Variants in CLCN4 observed in about 807,000 individuals in gnomAD.
CLCN4 encodes Cl-/H+ antiporter 4.
In CLCN4, 1 loss-of-function variant was observed where a neutral mutation model predicts 41.7. The ratio of observed to expected loss-of-function variants is 0.02; its 90% CI spans 0.01 to 0.11. The LOEUF (loss-of-function observed/expected upper bound fraction) is 0.11, where lower values mean the gene tolerates loss of function less well. Among genes scored for constraint, CLCN4 ranks in the 10% least tolerant of loss-of-function variants. The pLI is 1.00. For synonymous variants in CLCN4, 277 were observed against 285.8 expected (o/e 0.97, Z 0.31); for missense variants, 287 against 661.0 (o/e 0.43, Z 6.20).
At chrX:10,187,705 C>A in intron 4 of CLCN4, 91 bp downstream of exon 4, 1 of 705,479 alleles carries the variant, frequency 1.4e-6, no homozygotes, top group Non-Finnish European at 2.2e-6. Context: ...GAATATAGCG[C>A]GTGTCGCTTG....
chrX:10,212,622 G>A lies in CLCN4; in HGVS notation c.1545G>A (p.Leu515=). 2 of 1,210,366 alleles carry A rather than the reference G, an allele frequency of 1.7e-6. No homozygotes were observed. Among genetic ancestry groups the A allele is most frequent in the Non-Finnish European group, 2.2e-6 (2 of 894,683 alleles). The part of the protein sequence containing the change: ...RPGADCVTPG[L]YAMVGAAACL... ...GTGCAGACTGTGTCACGCCAGGGCT[G>A]TACGCAATGGTGGGAGCTGCGGCCT... Residue 515 remains leucine (L), a synonymous_variant, in exon 10 of 13, where the codon CTG becomes CTA. Coordinates refer to ENST00000380833, the MANE Select transcript of CLCN4 (RefSeq NM_001830.4).
chrX:10,213,295 C>A (rs1000670), intron 10 of CLCN4, among the ~76,000 whole-genome samples: 10,400 of 111,739 alleles, frequency 0.093, 469 homozygotes, highest in South Asian at 0.34. Context: ...GTGGGTCTGT[C>A]CCCTGTCTAT....
rs1924728402 is a variant in CLCN4, at chrX:10,216,897, G to GTATATATGTATATATATATATA, written c.1975+2825_1975+2826insGTATATATATATATATATATAT. On this transcript the variant is annotated intron_variant, in intron 11 of 12. Coordinates refer to ENST00000380833, the MANE Select transcript of CLCN4 (RefSeq NM_001830.4). ...GTTGGGGATGTGTGTGTGTGTGTGT[G>GTATATATGTATATATATATATA]TATATATATATATATATATATACAC... is the stretch of plus-strand genomic sequence containing the variant. Among the ~76,000 whole-genome samples, 2 of 20,826 alleles carry GTATATATGTATATATATATATA rather than the reference G, an allele frequency of 9.6e-5. 1 individual carries two copies. The highest frequency in any genetic ancestry group is 1.8e-4 in the Non-Finnish European group (2 of 10,925). 18.1% of individuals were successfully genotyped at this position (20,826 alleles called of 115,157 possible).
At chrX:10,181,875 T>C (rs986874136) in intron 2 of CLCN4, among the ~76,000 whole-genome samples, 2 of 111,996 alleles carry the variant, frequency 1.8e-5, no homozygotes, top group Non-Finnish European at 3.8e-5. Flanking sequence ...TACATGCTTG[T>C]CTTCGTTGGG....
In CLCN4 at chrX:10,185,050, G is replaced by A. The variant is rs760994158; in HGVS notation, c.18G>A (p.Ala6=). The part of the protein sequence containing the change: MVNAG[A]MSGSGNLMDF... ...TAATTAGCATGGTCAATGCGGGAGC[G>A]ATGAGTGGCTCTGGAAACCTGATGG... The change falls in exon 3 of 13, where the codon GCG becomes GCA. Residue 6 remains alanine, a synonymous_variant. Transcript: ENST00000380833. 2.1e-5 allele frequency: 25 copies of A among 1,206,585 alleles called. No homozygotes were observed. The highest frequency in any genetic ancestry group is 3.5e-5 in the South Asian group (2 of 56,381).
intron 1 of CLCN4, among the ~76,000 whole-genome samples, chrX:10,157,491 T>C (rs1922982409): frequency 8.8e-6 from 1 of 113,021 alleles, no homozygotes; most frequent in Non-Finnish European, 1.9e-5. Context: ...ATAAAAGCAG[T>C]CTTTGCTTTT....
intron 11 of CLCN4, among the ~76,000 whole-genome samples, chrX:10,217,178 G>C (rs1924746729): frequency 3.7e-5 from 4 of 108,116 alleles, no homozygotes; most frequent in South Asian, 4.1e-4. Context: ...ATAGCTCACT[G>C]CAGCCTCTAC....
intron 9 of CLCN4, among the ~76,000 whole-genome samples, chrX:10,211,153 C>G (rs1184277551): frequency 9.7e-6 from 1 of 102,573 alleles, no homozygotes; most frequent in Non-Finnish European, 2.0e-5. Flanking sequence ...GTGGTCCCAG[C>G]TACTCGGGAG....
At chrX:10,197,716 C>G (rs1924133111) in intron 5 of CLCN4, among the ~76,000 whole-genome samples, 2 of 111,690 alleles carry the variant, frequency 1.8e-5, no homozygotes, top group Non-Finnish European at 3.8e-5. Flanking sequence ...CGCGTGTAAA[C>G]AGCTCCCAGA....
chrX:10,157,116 C>T lies in CLCN4; in HGVS notation c.-275+16C>T. On this transcript the variant is annotated intron_variant, in intron 1 of 12. Transcript: ENST00000380833. ...AAAGCGGAAGGTAAGCTGCTTATCACTCAGAAAAACAAATTTGAGAGGAGT... is the reference window on the plus strand; with the variant it reads ...AAAGCGGAAGGTAAGCTGCTTATCATTCAGAAAAACAAATTTGAGAGGAGT... 3.4e-6 allele frequency: 1 copy of T among 297,332 alleles called. No homozygotes were observed. The highest frequency in any genetic ancestry group is 5.9e-6 in the Non-Finnish European group (1 of 169,959). 24.5% of individuals were successfully genotyped at this position (297,332 alleles called of 1,213,427 possible).
chrX:10,205,428 G>T (rs12390733), intron 6 of CLCN4, among the ~76,000 whole-genome samples: 5,984 of 93,843 alleles, frequency 0.064, 487 homozygotes, highest in African/African-American at 0.22. Context: ...AGCCGAGACC[G>T]CACCACTGCA....
rs1036774235 is a variant in CLCN4 at position 10,236,186 on chromosome X, T to C, written c.*2602T>C. 1.8e-4 allele frequency: 20 copies of C among 111,889 alleles called. No homozygotes were observed. Among genetic ancestry groups the C allele is most frequent in the African/African-American group, 5.8e-4 (18 of 30,823 alleles). The allele number at this position is 111,889 out of a possible 1,213,427, so 9.2% of individuals were successfully genotyped here. A position where few individuals can be genotyped will look rare whatever the true frequency, so the allele number is the denominator to read the frequency against. On this transcript the variant is annotated 3_prime_UTR_variant, in exon 13 of 13. Coordinates refer to ENST00000380833, the MANE Select transcript of CLCN4 (RefSeq NM_001830.4). ...AAGGTCAGTGAAACCACAGCATTTC[T>C]TTCTAATCTGGCTGAGGCCATGGGG...
chrX:10,212,774 T>C, intron 10 of CLCN4, 121 bp downstream of exon 10: 1 of 641,226 alleles, frequency 1.6e-6, no homozygotes, highest in Non-Finnish European at 2.3e-6. Context: ...GTTGTGTGGC[T>C]ATAACAAGTA....
chrX:10,220,974 A>G (rs1924847072), intron 12 of CLCN4, 97 bp downstream of exon 12: 1 of 704,138 alleles, frequency 1.4e-6, no homozygotes, highest in South Asian at 2.4e-5. Flanking sequence ...ATGGGGTGGA[A>G]TAGTCCTTGA....
chrX:10,195,197 C>T, intron 5 of CLCN4, 99 bp downstream of exon 5: 1 of 849,440 alleles, frequency 1.2e-6, no homozygotes, highest in Non-Finnish European at 1.7e-6. Context: ...ATTTCACCTT[C>T]AAGTGCCTGC....
At chrX:10,170,704 C>T (rs113729039) in intron 2 of CLCN4, among the ~76,000 whole-genome samples, 1,397 of 111,351 alleles carry the variant, frequency 0.013, 9 homozygotes, top group Middle Eastern at 0.041. Context: ...TGCTGATGCA[C>T]GTTCAAGCTG....
chrX:10,216,899 A>G (rs192183243), intron 11 of CLCN4, among the ~76,000 whole-genome samples: 232 of 14,530 alleles, frequency 0.016, 3 homozygotes, highest in East Asian at 0.12. Context: ...GTGTGTGTGT[A>G]TATATATATA....
Position 10,185,114 on chromosome X carries a change from G to C in CLCN4, c.82G>C (p.Glu28Gln). 1 of 1,210,428 alleles carries C rather than the reference G, an allele frequency of 8.3e-7. No individual in the cohort carries two copies. Among genetic ancestry groups the C allele is most frequent in the Non-Finnish European group, 1.1e-6 (1 of 894,390 alleles). Residue 28 changes from glutamate (E) to glutamine (Q), a missense_variant, in exon 3 of 13, where the codon GAG becomes CAG. Glu to Gln is a conservative substitution (Grantham distance 29). Transcript: ENST00000380833. ...DEPFPDVGTYEDFHTIDWLRE... is the reference protein window; with the variant it reads ...DEPFPDVGTYQDFHTIDWLRE... ...GCCGTTCCCTGATGTGGGGACGTAT[G>C]AGGACTTCCACACCATCGACTGGCT...
In CLCN4 at chrX:10,183,285, G is replaced by A. The variant is rs1234512815; in HGVS notation, c.-11-1737G>A. On this transcript the variant is annotated intron_variant, in intron 2 of 12. Transcript: ENST00000380833. ...AAACTTTTAAAGTTTTAAAGCAGCCGAGTTGCACTGATGATCAATAAATCA... is the reference window on the plus strand; with the variant it reads ...AAACTTTTAAAGTTTTAAAGCAGCCAAGTTGCACTGATGATCAATAAATCA... 1.8e-5 allele frequency among the ~76,000 whole-genome samples: 2 copies of A among 111,937 alleles called. 1 individual carries two copies.
Sources: allele counts gnomAD v4.1 joint callset (sites outside exome capture counted in the v4.1 genomes callset), GRCh38; gene constraint gnomAD v4.1.1; transcripts MANE v1.5; gene names NCBI Gene and HGNC (gene_info 2026-07-23, HGNC 2026-07-21).